The following KDM2A variants were observed in gnomAD, a reference collection of about 807,000 sequenced individuals.
The protein encoded by KDM2A is lysine-specific demethylase 2A.
In KDM2A, 3 loss-of-function variants were observed where a neutral mutation model predicts 137.3. The ratio of observed to expected loss-of-function variants is 0.02; its 90% CI spans 0.01 to 0.06. The LOEUF is 0.06. Among genes scored for constraint, KDM2A ranks in the 10% least tolerant of loss-of-function variants. The pLI, the probability that KDM2A is intolerant of heterozygous loss-of-function variation, is 1.00. For missense variants in KDM2A, 738 were observed against 1,510.6 expected (o/e 0.49, Z 8.48); for synonymous variants, 512 against 541.5 (o/e 0.95, Z 0.76).
intron 2 of KDM2A, among the ~76,000 whole-genome samples, chr11:67,147,612 C>T (rs1229900282): frequency 6.6e-6 from 1 of 150,480 alleles, no homozygotes; most frequent in Non-Finnish European, 1.5e-5. Flanking sequence ...CTTATTAAAG[C>T]AGGAAGAAGT....
At chr11:67,193,609 C>T (rs1307194243) in intron 5 of KDM2A, among the ~76,000 whole-genome samples, 1 of 152,048 alleles carries the variant, frequency 6.6e-6, no homozygotes, top group African/African-American at 2.4e-5. Context: ...GCCTGTAATC[C>T]CGGCACTTTG....
chr11:67,160,777 A>C (rs183214378), intron 2 of KDM2A, among the ~76,000 whole-genome samples: 23 of 152,222 alleles, frequency 1.5e-4, no homozygotes, highest in South Asian at 1.0e-3. Flanking sequence ...ATCTCAAAAA[A>C]AACAACAAAA....
chr11:67,194,507 A>G (rs1336918524), intron 5 of KDM2A, among the ~76,000 whole-genome samples: 1 of 152,214 alleles, frequency 6.6e-6, no homozygotes, highest in African/African-American at 2.4e-5. Flanking sequence ...CCCTGAAAAC[A>G]TTATCCCTGC....
intron 2 of KDM2A, among the ~76,000 whole-genome samples, chr11:67,147,452 G>T (rs985172837): frequency 2.0e-5 from 3 of 151,490 alleles, no homozygotes; most frequent in Non-Finnish European, 2.9e-5. Context: ...TAAGGCAGGA[G>T]AATGGCATGA....
Position 67,252,777 on chromosome 11 carries a change from A to G in KDM2A, c.2852A>G (p.Lys951Arg), listed in dbSNP as rs1261893240. The G allele has an allele frequency of 6.2e-7, 1 of 1,613,910 alleles. No homozygotes were observed. The highest frequency in any genetic ancestry group is 1.3e-5 in the African/African-American group (1 of 74,934). Residue 951 changes from lysine (K) to arginine (R), a missense_variant, in exon 18 of 21, where the codon AAG becomes AGG. This residue lies in a region of KDM2A where 166 missense variants were observed against 324.0 expected (regional missense o/e 0.51). Coordinates refer to ENST00000529006, the MANE Select transcript of KDM2A (RefSeq NM_012308.3). ...CCCCAGGCCCTCAGTGGCATCATCA[A>G]GAGGCAGCCAGTCAGCCTTGACCTC... ...IVPQALSGII[K>R]RQPVSLDLSW...
intron 5 of KDM2A, among the ~76,000 whole-genome samples, chr11:67,204,564 T>G (rs1305214983): frequency 6.6e-6 from 1 of 151,904 alleles, no homozygotes; most frequent in Non-Finnish European, 1.5e-5. Flanking sequence ...TGATCTCTGC[T>G]TACTGCAAGC....
rs148485228 is a variant in KDM2A at position 67,194,342 on chromosome 11, A to G, written c.307+12450A>G. Among the ~76,000 whole-genome samples the G allele has an allele frequency of 5.5e-3, 837 of 152,296 alleles. 6 individuals are homozygous for G. The highest frequency in any genetic ancestry group is 0.018 in the African/African-American group (743 of 41,552). Reference sequence around the variant, plus strand: ...GCTCAGCCAGATTCCCAGATCTAGCATCTTTCAAAACATCTCAACCTTGGT... The same window carrying G: ...GCTCAGCCAGATTCCCAGATCTAGCGTCTTTCAAAACATCTCAACCTTGGT... On this transcript the variant is annotated intron_variant, in intron 5 of 20. Transcript: ENST00000529006.
chr11:67,196,575 C>T, intron 5 of KDM2A: 1 of 418,252 alleles, frequency 2.4e-6, no homozygotes, highest in Admixed American at 2.6e-5. Flanking sequence ...ATATATACTA[C>T]ACATTACATG....
intron 5 of KDM2A, among the ~76,000 whole-genome samples, chr11:67,182,269 C>T (rs1857107004): frequency 6.6e-6 from 1 of 152,262 alleles, no homozygotes; most frequent in East Asian, 1.9e-4. Context: ...AGGAAATGCT[C>T]GCCAGTGCTG....
chr11:67,124,944 A>G (rs993739572), intron 2 of KDM2A, among the ~76,000 whole-genome samples: 1 of 145,430 alleles, frequency 6.9e-6, no homozygotes, highest in South Asian at 2.2e-4. Context: ...TGCAAGCTCT[A>G]CCTCCCGGGT....
intron 2 of KDM2A, among the ~76,000 whole-genome samples, chr11:67,179,561 T>C (rs1857043123): frequency 6.6e-6 from 1 of 152,248 alleles, no homozygotes; most frequent in Non-Finnish European, 1.5e-5. Context: ...ATTACAGGCG[T>C]GAGCCACCGC....
intron 2 of KDM2A, among the ~76,000 whole-genome samples, chr11:67,169,011 A>G (rs1856815939): frequency 8.0e-6 from 1 of 124,456 alleles, no homozygotes; most frequent in African/African-American, 3.2e-5. Context: ...GCTGGAGTGT[A>G]GTGGTGTGAT....
intron 2 of KDM2A, among the ~76,000 whole-genome samples, chr11:67,171,576 C>T (rs1043750516): frequency 3.3e-5 from 5 of 152,138 alleles, no homozygotes; most frequent in Non-Finnish European, 5.9e-5. Context: ...CCTTTAGACA[C>T]ATTTGCTTTT....
intron 5 of KDM2A, among the ~76,000 whole-genome samples, chr11:67,189,557 C>T (rs116456689): frequency 0.037 from 5,619 of 152,142 alleles, 436 homozygotes; most frequent in Admixed American, 0.18. Context: ...GACCTTATCT[C>T]GGCCGGGCGA....
intron 12 of KDM2A, among the ~76,000 whole-genome samples, chr11:67,232,538 AG>A (rs986670058): frequency 2.0e-5 from 3 of 152,312 alleles, no homozygotes; most frequent in South Asian, 2.1e-4. Flanking sequence ...CACAACGTGC[AG>A]GTTTATTACA....
At chr11:67,240,283 A>G (rs1565420190) in intron 12 of KDM2A, 1 of 1,535,662 alleles carries the variant, frequency 6.5e-7, no homozygotes, top group East Asian at 2.4e-5. Flanking sequence ...CTCCTTCAGG[A>G]GAACTTCCAG....
At chr11:67,127,300 C>G (rs375024360) in intron 2 of KDM2A, among the ~76,000 whole-genome samples, 1 of 151,846 alleles carries the variant, frequency 6.6e-6, no homozygotes, top group East Asian at 1.9e-4. Context: ...TATCCCTGTT[C>G]GGGCTGCTCA....
At chr11:67,132,390 TCTC>T (rs1457058899) in intron 2 of KDM2A, among the ~76,000 whole-genome samples, 1 of 152,190 alleles carries the variant, frequency 6.6e-6, no homozygotes, top group African/African-American at 2.4e-5. Context: ...TTCAAGCGAT[TCTC>T]CTGCCTCAGC....
intron 15 of KDM2A, among the ~76,000 whole-genome samples, chr11:67,247,122 T>C (rs1307193452): frequency 2.4e-5 from 3 of 123,492 alleles, no homozygotes; most frequent in African/African-American, 6.0e-5. Context: ...AGAGTCTTGC[T>C]CCTTTTGCCT....
Sources: gnomAD v4.1 joint callset for allele counts (sites outside exome capture counted in the v4.1 genomes callset) on GRCh38, gnomAD v4.1.1 for gene constraint, gnomAD v4.1.1 regional missense constraint, MANE v1.5 for transcripts, NCBI Gene and HGNC (gene_info 2026-07-23, HGNC 2026-07-21) for gene names.